Variants in CDH4 observed in about 807,000 individuals in gnomAD.
The protein encoded by CDH4 is cadherin 4, also known as cadherin-4.
CDH4 carries 33 observed loss-of-function variants against 86.0 expected under a neutral mutation model. The observed-to-expected ratio is 0.38, with a 90% CI of 0.29 to 0.51. The LOEUF (loss-of-function observed/expected upper bound fraction) is 0.51, where lower values mean the gene tolerates loss of function less well. Among genes scored for constraint, CDH4 ranks in the 20% least tolerant of loss-of-function variants. The pLI, the probability that CDH4 is intolerant of heterozygous loss-of-function variation, is 0.86. For missense variants in CDH4, 1,114 were observed against 1,307.4 expected, an observed-to-expected ratio of 0.85 and a Z score of 2.28; for synonymous variants, 555 against 549.4, an observed-to-expected ratio of 1.01 and a Z score of -0.14.
At chr20:61,813,289 G>A (rs1029081844) in intron 4 of CDH4, among the ~76,000 whole-genome samples, 5 of 152,050 alleles carry the variant, frequency 3.3e-5, no homozygotes, top group African/African-American at 7.2e-5. Context: ...CCACACCCTC[G>A]GGAGTCCACG....
At position 61,393,549 on chromosome 20, in the gene CDH4, T is replaced by C. The variant is rs578192789; in HGVS notation, c.169+138612T>C. Reference sequence around the variant, plus strand: ...GTGGGGTCTTTATGGAGCAGGATCCTCACGTAGCCCACATTCGCCACAGCC... The same window carrying C: ...GTGGGGTCTTTATGGAGCAGGATCCCCACGTAGCCCACATTCGCCACAGCC... On this transcript the variant is annotated intron_variant, in intron 2 of 15. Coordinates refer to ENST00000614565, the MANE Select transcript of CDH4 (RefSeq NM_001794.5). This position sits in a 1 kb window ranked among gnomAD's most constrained non-coding sequence, Gnocchi z 4.3. 6.6e-6 allele frequency among the ~76,000 whole-genome samples: 1 copy of C among 152,284 alleles called. No homozygotes were observed. Among genetic ancestry groups the C allele is most frequent in the South Asian group, 2.1e-4 (1 of 4,816 alleles).
intron 2 of CDH4, among the ~76,000 whole-genome samples, chr20:61,328,145 T>G (rs2084546418): frequency 6.6e-6 from 1 of 151,932 alleles, no homozygotes. Flanking sequence ...TTAGATAGAG[T>G]GGACTCAAAT....
chr20:61,605,136 G>A (rs1055709908), intron 2 of CDH4, among the ~76,000 whole-genome samples: 8 of 152,212 alleles, frequency 5.3e-5, no homozygotes, highest in African/African-American at 1.9e-4. Context: ...ATGAGTGTGA[G>A]TTACTGTGAT....
intron 2 of CDH4, among the ~76,000 whole-genome samples, chr20:61,717,054 G>T (rs992006729): frequency 6.6e-6 from 1 of 152,228 alleles, no homozygotes; most frequent in Non-Finnish European, 1.5e-5. Flanking sequence ...GCCAGTGCCA[G>T]CAGCTTCTTC....
At chr20:61,685,550 C>G (rs2087564600) in intron 2 of CDH4, among the ~76,000 whole-genome samples, 1 of 152,268 alleles carries the variant, frequency 6.6e-6, no homozygotes, top group African/African-American at 2.4e-5. Context: ...GGCCCCACCA[C>G]CCCGCTGTTT....
intron 2 of CDH4, among the ~76,000 whole-genome samples, chr20:61,513,920 C>T (rs1159148449): frequency 2.0e-5 from 3 of 152,174 alleles, no homozygotes; most frequent in Non-Finnish European, 4.4e-5. Flanking sequence ...CAAGCGTCCA[C>T]ACCAAAGTTT....
intron 4 of CDH4, among the ~76,000 whole-genome samples, chr20:61,789,326 T>C (rs1429907869): frequency 6.6e-6 from 1 of 152,234 alleles, no homozygotes; most frequent in Non-Finnish European, 1.5e-5. Context: ...GATTTCATTT[T>C]CCCAAAATGT....
intron 3 of CDH4, among the ~76,000 whole-genome samples, chr20:61,746,061 C>T (rs1031759838): frequency 2.6e-5 from 4 of 152,108 alleles, no homozygotes; most frequent in East Asian, 1.9e-4. Flanking sequence ...CCAGGCTCAG[C>T]GCACCCTGGG....
At chr20:61,475,768 C>G (rs1568858476) in intron 2 of CDH4, among the ~76,000 whole-genome samples, 1 of 148,614 alleles carries the variant, frequency 6.7e-6, no homozygotes, top group Admixed American at 6.8e-5. Context: ...TTCCTGTCTT[C>G]ATGGCAATCT....
intron 2 of CDH4, among the ~76,000 whole-genome samples, chr20:61,631,438 G>A (rs568605489): frequency 1.1e-4 from 16 of 152,280 alleles, no homozygotes; most frequent in Non-Finnish European, 1.9e-4. Flanking sequence ...TCAGGGATTC[G>A]AAACCAGCCT....
chr20:61,264,201 C>T (rs1057266064), intron 2 of CDH4, among the ~76,000 whole-genome samples: 4 of 152,138 alleles, frequency 2.6e-5, no homozygotes, highest in Non-Finnish European at 4.4e-5. Context: ...CACTGGCTTC[C>T]GCACACTAAG....
chr20:61,477,537 C>T (rs1295413579), intron 2 of CDH4, among the ~76,000 whole-genome samples: 1 of 152,244 alleles, frequency 6.6e-6, no homozygotes, highest in African/African-American at 2.4e-5. Context: ...GAGGGCTGTG[C>T]TTTCTGCGGA....
chr20:61,737,257 G>A (rs1568787128), intron 2 of CDH4, among the ~76,000 whole-genome samples: 1 of 152,112 alleles, frequency 6.6e-6, no homozygotes, highest in African/African-American at 2.4e-5. Flanking sequence ...GAAAACATGG[G>A]CTTTAAAATT....
intron 2 of CDH4, among the ~76,000 whole-genome samples, chr20:61,705,667 C>A (rs1283592338): frequency 6.6e-6 from 1 of 152,180 alleles, no homozygotes; most frequent in African/African-American, 2.4e-5. Context: ...GGACTCATTG[C>A]AGCTTGGCCT....
intron 2 of CDH4, among the ~76,000 whole-genome samples, chr20:61,647,667 G>C (rs1483138622): frequency 6.6e-6 from 1 of 151,350 alleles, no homozygotes; most frequent in East Asian, 2.0e-4. Context: ...CCCCATCTGG[G>C]AGGCTACTGC....
At chr20:61,803,616 G>A (rs1979955791) in intron 4 of CDH4, among the ~76,000 whole-genome samples, 1 of 152,194 alleles carries the variant, frequency 6.6e-6, no homozygotes, top group Admixed American at 6.5e-5. Context: ...CTGGAGGGTG[G>A]GGCATCTTGA....
At chr20:61,674,136 T>C (rs951776515) in intron 2 of CDH4, among the ~76,000 whole-genome samples, 3 of 151,936 alleles carry the variant, frequency 2.0e-5, no homozygotes, top group Non-Finnish European at 4.4e-5. Context: ...CAGCAAATAC[T>C]CCCCAAGCCT....
intron 2 of CDH4, among the ~76,000 whole-genome samples, chr20:61,571,905 A>C (rs1053359618): frequency 3.9e-5 from 6 of 151,968 alleles, no homozygotes; most frequent in Admixed American, 2.6e-4. Context: ...TGTGCAGTAC[A>C]TGCTCATGTT....
intron 4 of CDH4, among the ~76,000 whole-genome samples, chr20:61,803,075 C>T (rs907029890): frequency 2.0e-5 from 3 of 152,240 alleles, no homozygotes; most frequent in African/African-American, 7.2e-5. Flanking sequence ...GCCCCCACTG[C>T]TAATTGCCTG....
Sources: gnomAD v4.1 joint callset for allele counts (sites outside exome capture counted in the v4.1 genomes callset) on GRCh38, gnomAD v4.1.1 for gene constraint, Gnocchi (gnomAD v3.1) non-coding constraint, MANE v1.5 for transcripts, NCBI Gene and HGNC (gene_info 2026-07-23, HGNC 2026-07-21) for gene names.